Variants in VCPIP1 observed in about 807,000 individuals in gnomAD.
VCPIP1 encodes valosin containing protein interacting protein 1.
Under a neutral mutation model 85.0 loss-of-function variants are expected in VCPIP1, and 8 were observed. That is an observed-to-expected ratio of 0.09 (90% CI 0.06 to 0.17). The LOEUF (loss-of-function observed/expected upper bound fraction) is 0.17. Ranked by LOEUF, VCPIP1 falls within the 10% of genes least tolerant of loss-of-function variation. The probability of loss-of-function intolerance (pLI) is 1.00; values close to 1 mark genes in which losing one functional copy is unlikely to be tolerated. For synonymous variants in VCPIP1, 543 were observed against 544.5 expected, an observed-to-expected ratio of 1.00 and a Z score of 0.04; for missense variants, 1,070 against 1,486.3, an observed-to-expected ratio of 0.72 and a Z score of 4.61.
chr8:66,664,221 T>G (rs765945816), intron 1 of VCPIP1, 28 bp downstream of exon 1: 3 of 1,519,520 alleles, frequency 2.0e-6, no homozygotes, highest in Non-Finnish European at 1.8e-6. Flanking sequence ...ACAATTAAGA[T>G]ATACCATCAG....
rs558715595 is a variant in VCPIP1, at chr8:66,636,089, T to C, written c.2798-717A>G. Among the ~76,000 whole-genome samples, 224 of 150,220 alleles carry C rather than the reference T, an allele frequency of 1.5e-3. 1 individual carries two copies. Among genetic ancestry groups the C allele is most frequent in the Non-Finnish European group, 2.9e-3 (195 of 67,536 alleles). ...TAAAAATACAAAAATTAGCTGGGCA[T>C]GGTGGTGTGTGAGCCTGTAGTCCCA... On this transcript the variant is annotated intron_variant, in intron 2 of 2. Transcript: ENST00000310421.
chr8:66,652,613 C>CAA (rs535325193), intron 1 of VCPIP1, among the ~76,000 whole-genome samples: 4 of 118,524 alleles, frequency 3.4e-5, no homozygotes, highest in Admixed American at 8.7e-5. Context: ...AACTCTATCT[C>CAA]AAAAAAAAAA....
Position 66,638,960 on chromosome 8 carries a change from CTCTCTCTCTCTA to C in VCPIP1, c.2798-3600_2798-3589del, listed in dbSNP as rs1403856288. On this transcript the variant is annotated intron_variant, in intron 2 of 2. Coordinates refer to ENST00000310421, the MANE Select transcript of VCPIP1 (RefSeq NM_025054.5). ...TTTCTCTCTCTCTCTCTCTCTCTCT[CTCTCTCTCTCTA>C]TATATATATATATACATATATTTTG... Among the ~76,000 whole-genome samples the C allele has an allele frequency of 1.9e-3, 252 of 134,696 alleles. 3 individuals are homozygous for C. The highest frequency in any genetic ancestry group is 7.6e-3 in the African/African-American group (225 of 29,718). The allele number at this position is 134,696 out of a possible 152,430, so 88.4% of individuals were successfully genotyped here.
intron 1 of VCPIP1, among the ~76,000 whole-genome samples, chr8:66,655,017 T>C (rs141416791): frequency 1.3e-5 from 2 of 152,298 alleles, no homozygotes; most frequent in Admixed American, 6.5e-5. Flanking sequence ...AATTGTTACG[T>C]ATCATTTAAA....
chr8:66,663,091 A>G (rs769210212), intron 1 of VCPIP1, among the ~76,000 whole-genome samples: 63 of 140,016 alleles, frequency 4.5e-4, no homozygotes, highest in Non-Finnish European at 8.2e-4. Context: ...GAGACAGAGC[A>G]AGACTCCATC....
intron 1 of VCPIP1, among the ~76,000 whole-genome samples, chr8:66,655,132 CT>C: frequency 2.0e-5 from 3 of 152,296 alleles, no homozygotes; most frequent in Admixed American, 2.0e-4. Context: ...CCTTATCACA[CT>C]TCAGGTTAAT....
intron 1 of VCPIP1, among the ~76,000 whole-genome samples, chr8:66,655,231 C>G (rs938659159): frequency 1.3e-5 from 2 of 152,196 alleles, no homozygotes; most frequent in Non-Finnish European, 2.9e-5. Context: ...TGACTTTTTA[C>G]CCCCAGGGCC....
intron 1 of VCPIP1, among the ~76,000 whole-genome samples, chr8:66,658,817 T>A (rs1240339958): frequency 1.3e-5 from 2 of 152,112 alleles, no homozygotes; most frequent in African/African-American, 4.8e-5. Flanking sequence ...ATTTACGACA[T>A]CAAGAGGTAT....
intron 1 of VCPIP1, among the ~76,000 whole-genome samples, chr8:66,661,668 A>G (rs1417521649): frequency 2.6e-5 from 4 of 151,516 alleles, no homozygotes; most frequent in Non-Finnish European, 5.9e-5. Flanking sequence ...CCCAGGTAGC[A>G]GAGGTTGCAA....
chr8:66,651,584 AAG>A, intron 1 of VCPIP1, 40 bp from the exon 2 acceptor site: 1 of 1,545,434 alleles, frequency 6.5e-7, no homozygotes, highest in Non-Finnish European at 8.9e-7. Context: ...CAACAAACAA[AAG>A]AGTTCCATCC....
At chr8:66,638,550 C>T (rs919184358) in intron 2 of VCPIP1, among the ~76,000 whole-genome samples, 2 of 150,004 alleles carry the variant, frequency 1.3e-5, no homozygotes, top group Non-Finnish European at 2.9e-5. Flanking sequence ...GAGGCCAAGG[C>T]GGGTGGATCA....
At chr8:66,649,711 G>C (rs1811033778) in intron 2 of VCPIP1, among the ~76,000 whole-genome samples, 2 of 152,198 alleles carry the variant, frequency 1.3e-5, no homozygotes, top group Admixed American at 1.3e-4. Flanking sequence ...TGAATACAAA[G>C]AGGCACAAGA....
At position 66,647,752 on chromosome 8, in the gene VCPIP1, G is replaced by C. The variant is rs1474611025; in HGVS notation, c.2797+3706C>G. ...AAAGCCTTTTCAACAAATGGTGCTG[G>C]AACAACTGGTCATCCATACATTAAA... is the stretch of plus-strand genomic sequence containing the variant. On this transcript the variant is annotated intron_variant, in intron 2 of 2. Coordinates refer to ENST00000310421, the MANE Select transcript of VCPIP1 (RefSeq NM_025054.5). 2.0e-5 allele frequency among the ~76,000 whole-genome samples: 3 copies of C among 151,992 alleles called. No individual in the cohort carries two copies. In the East Asian group the frequency reaches 5.8e-4, roughly 29 times the overall value.
At position 66,666,639 on chromosome 8, in the gene VCPIP1, G is replaced by A. The variant is rs192943990; in HGVS notation, c.320C>T (p.Thr107Met). 37 of 1,614,166 alleles carry A rather than the reference G, an allele frequency of 2.3e-5. No individual in the cohort carries two copies. The Admixed American group carries it at 5.0e-4, about 22-fold the overall frequency. ...NLLRNALLGV[T>M]GAPKKNTELV... The stretch of plus-strand genomic sequence containing the variant: ...TTCCGTGTTCTTCTTGGGTGCCCCC[G>A]TAACCCCGAGCAGCGCGTTCCGCAG... Residue 107 changes from threonine (T) to methionine (M), a missense_variant, in exon 1 of 3, where the codon ACG becomes ATG. Transcript: ENST00000310421. The surrounding 1 kb of genome is among the most constrained non-coding windows in gnomAD (Gnocchi z 6.3).
intron 1 of VCPIP1, among the ~76,000 whole-genome samples, chr8:66,657,692 A>G (rs1811113733): frequency 6.6e-6 from 1 of 152,220 alleles, no homozygotes; most frequent in South Asian, 2.1e-4. Flanking sequence ...ATTAATAATG[A>G]TTTTATCTGG....
intron 2 of VCPIP1, among the ~76,000 whole-genome samples, chr8:66,638,297 G>A (rs1810908772): frequency 6.6e-6 from 1 of 151,596 alleles, no homozygotes; most frequent in Non-Finnish European, 1.5e-5. Flanking sequence ...TCCAGCCTGG[G>A]CAACCTAAGG....
chr8:66,652,000 T>C (rs1811058188), intron 1 of VCPIP1, among the ~76,000 whole-genome samples: 1 of 142,022 alleles, frequency 7.0e-6, no homozygotes, highest in Non-Finnish European at 1.5e-5. Context: ...ATGGCGAAAC[T>C]CTATCTCTAC....
At chr8:66,658,476 G>A (rs895469706) in intron 1 of VCPIP1, among the ~76,000 whole-genome samples, 27 of 150,952 alleles carry the variant, frequency 1.8e-4, no homozygotes, top group South Asian at 2.1e-4. Context: ...AGTCCCAAGC[G>A]TGATTCTGGA....
At chr8:66,660,590 A>G (rs981112782) in intron 1 of VCPIP1, among the ~76,000 whole-genome samples, 1 of 152,228 alleles carries the variant, frequency 6.6e-6, no homozygotes, top group Non-Finnish European at 1.5e-5. Context: ...GGTAATTCAC[A>G]AAGTAATTTC....
Sources: allele counts gnomAD v4.1 joint callset (sites outside exome capture counted in the v4.1 genomes callset), GRCh38; gene constraint gnomAD v4.1.1; non-coding constraint Gnocchi (gnomAD v3.1); transcripts MANE v1.5; gene names NCBI Gene and HGNC (gene_info 2026-07-23, HGNC 2026-07-21).